UBE2W: variants seen among roughly 807,000 people sequenced by gnomAD.
UBE2W encodes the protein ubiquitin-conjugating enzyme E2 W.
UBE2W carries 18 observed loss-of-function variants against 27.2 expected under a neutral mutation model. The ratio of observed to expected loss-of-function variants is 0.66; its 90% CI spans 0.46 to 0.98. The LOEUF (loss-of-function observed/expected upper bound fraction) is 0.98, where lower values mean the gene tolerates loss of function less well. Ranked by LOEUF, UBE2W falls within the 50% of genes least tolerant of loss-of-function variation. The pLI is 0.00. For missense variants in UBE2W, 90 were observed against 180.2 expected, an observed-to-expected ratio of 0.50 and a Z score of 2.87; for synonymous variants, 53 against 57.2, an observed-to-expected ratio of 0.93 and a Z score of 0.33.
chr8:73,854,474 A>G (rs1383431827), intron 1 of UBE2W, among the ~76,000 whole-genome samples: 1 of 152,198 alleles, frequency 6.6e-6, no homozygotes, highest in Non-Finnish European at 1.5e-5. Context: ...TTTGTATTAT[A>G]ATGAGCATTA....
chr8:73,856,792 G>A (rs568331477), intron 1 of UBE2W, among the ~76,000 whole-genome samples: 8 of 148,750 alleles, frequency 5.4e-5, no homozygotes, highest in African/African-American at 1.7e-4. Context: ...TGCAGCCTCC[G>A]CCTCCTGGGT....
chr8:73,834,840 C>T (rs946721848), intron 1 of UBE2W, among the ~76,000 whole-genome samples: 1 of 152,070 alleles, frequency 6.6e-6, no homozygotes, highest in African/African-American at 2.4e-5. Context: ...ACTCGGGAGG[C>T]GGAGGTTGCA....
rs1808013735 is a variant in UBE2W, at chr8:73,787,682, T to C, written c.*6420A>G. The C allele has an allele frequency of 1.0e-6, 1 of 985,300 alleles. No individual in the cohort carries two copies. Among genetic ancestry groups the C allele is most frequent in the African/African-American group, 1.7e-5 (1 of 57,244 alleles). 61.0% of individuals were successfully genotyped at this position (985,300 alleles called of 1,614,324 possible). ...CTGAGATAGCCCCTTCTTGTGGTTA[T>C]TTCTTTCCTCTTCTTGCAGCTTCAA... On this transcript the variant is annotated 3_prime_UTR_variant, in exon 6 of 6. Transcript: ENST00000602593.
At chr8:73,850,370 G>C (rs569576236) in intron 1 of UBE2W, among the ~76,000 whole-genome samples, 1 of 152,216 alleles carries the variant, frequency 6.6e-6, no homozygotes, top group African/African-American at 2.4e-5. Context: ...CCATAACCTA[G>C]CACTTGCATT....
chr8:73,835,194 T>A (rs1293525771), intron 1 of UBE2W, among the ~76,000 whole-genome samples: 1 of 150,480 alleles, frequency 6.6e-6, no homozygotes, highest in Non-Finnish European at 1.5e-5. Context: ...TGGTATATCA[T>A]CCCTGGTCTC....
intron 1 of UBE2W, among the ~76,000 whole-genome samples, chr8:73,838,955 T>C (rs1810416884): frequency 6.6e-6 from 1 of 152,158 alleles, no homozygotes; most frequent in African/African-American, 2.4e-5. Context: ...GGGAAACCTC[T>C]AGGGGGTATT....
intron 3 of UBE2W, among the ~76,000 whole-genome samples, chr8:73,818,698 C>G (rs76971559): frequency 0.012 from 1,865 of 152,222 alleles, 31 homozygotes; most frequent in African/African-American, 0.033. Flanking sequence ...TGGGTGTGTG[C>G]TCTCATGAAT....
chr8:73,832,636 G>A (rs146973126), intron 1 of UBE2W, among the ~76,000 whole-genome samples: 39 of 152,320 alleles, frequency 2.6e-4, no homozygotes, highest in Non-Finnish European at 2.6e-4. Context: ...GTTGTAGGTC[G>A]AGTAGCCATT....
chr8:73,854,997 A>G (rs370970002), intron 1 of UBE2W, among the ~76,000 whole-genome samples: 1 of 152,252 alleles, frequency 6.6e-6, no homozygotes, highest in South Asian at 2.1e-4. Context: ...TCATCTGTTT[A>G]TAAGATGGAA....
At chr8:73,797,510 G>C (rs990105832) in intron 5 of UBE2W, among the ~76,000 whole-genome samples, 5 of 152,168 alleles carry the variant, frequency 3.3e-5, no homozygotes, top group African/African-American at 1.2e-4. Context: ...TTGGACTCAG[G>C]AATTTAGTAA....
At chr8:73,807,094 T>C (rs1204153630) in intron 4 of UBE2W, among the ~76,000 whole-genome samples, 1 of 152,236 alleles carries the variant, frequency 6.6e-6, no homozygotes, top group Non-Finnish European at 1.5e-5. Context: ...AAACATCAAA[T>C]TTATATTAAA....
chr8:73,805,454 C>CAAAAAAAAA (rs1162712227), intron 5 of UBE2W, among the ~76,000 whole-genome samples, 197 bp downstream of exon 5: 414 of 14,514 alleles, frequency 0.029, 71 homozygotes, highest in African/African-American at 0.035. Context: ...AACTCCATCT[C>CAAAAAAAAA]AAAAAAAAAA....
chr8:73,836,573 G>A (rs1289974669), intron 1 of UBE2W, among the ~76,000 whole-genome samples: 1 of 152,158 alleles, frequency 6.6e-6, no homozygotes, highest in East Asian at 1.9e-4. Flanking sequence ...AGACATGGAA[G>A]AGCTGAAAGA....
Position 73,786,871 on chromosome 8 carries a change from A to G in UBE2W, c.*7231T>C, listed in dbSNP as rs756287553. 2.0e-4 allele frequency: 198 copies of G among 985,334 alleles called. No individual in the cohort carries two copies. The highest frequency in any genetic ancestry group is 2.3e-4 in the Non-Finnish European group (193 of 829,918). The allele number at this position is 985,334 out of a possible 1,614,324, so 61.0% of individuals were successfully genotyped here. ...AGTTGGATGGGAATGTCATTAAATT[A>G]TAACAGGATAAAAGAAATATGTTTT... On this transcript the variant is annotated 3_prime_UTR_variant, in exon 6 of 6. Transcript: ENST00000602593.
chr8:73,839,825 G>A (rs1299270307), intron 1 of UBE2W, among the ~76,000 whole-genome samples: 2 of 143,594 alleles, frequency 1.4e-5, no homozygotes, highest in African/African-American at 5.2e-5. Flanking sequence ...TCTACTTCCC[G>A]GGCTCAAGCG....
intron 1 of UBE2W, among the ~76,000 whole-genome samples, chr8:73,858,683 T>TAA (rs34554998): frequency 7.4e-6 from 1 of 134,294 alleles, no homozygotes; most frequent in Non-Finnish European, 1.6e-5. Flanking sequence ...GAAAAAGTGC[T>TAA]AAAAAAAAAA....
chr8:73,833,854 G>C (rs1347640521), intron 1 of UBE2W: 1 of 152,174 alleles, frequency 6.6e-6, no homozygotes, highest in East Asian at 1.9e-4. Flanking sequence ...GTTTTGACCT[G>C]CTCTGTTTCT....
At chr8:73,866,312 T>C (rs1429191925) in intron 1 of UBE2W, among the ~76,000 whole-genome samples, 1 of 131,284 alleles carries the variant, frequency 7.6e-6, no homozygotes, top group Non-Finnish European at 1.6e-5. Flanking sequence ...TATATATATA[T>C]ATATATACTC....
chr8:73,857,092 T>C (rs1335598724), intron 1 of UBE2W, among the ~76,000 whole-genome samples: 1 of 152,182 alleles, frequency 6.6e-6, no homozygotes, highest in Non-Finnish European at 1.5e-5. Flanking sequence ...ACAAGACAGT[T>C]TGGGAAACTT....
Sources: allele counts gnomAD v4.1 joint callset (sites outside exome capture counted in the v4.1 genomes callset), GRCh38; gene constraint gnomAD v4.1.1; transcripts MANE v1.5; gene names NCBI Gene and HGNC (gene_info 2026-07-23, HGNC 2026-07-21).